Variants in CHRM3 observed in about 807,000 individuals in gnomAD.
The protein encoded by CHRM3 is muscarinic acetylcholine receptor M3.
In CHRM3, 11 loss-of-function variants were observed where a neutral mutation model predicts 41.8. The observed-to-expected ratio is 0.26, with a 90% confidence interval of 0.17 to 0.44. The LOEUF (loss-of-function observed/expected upper bound fraction) is 0.44, where lower values mean the gene tolerates loss of function less well. CHRM3 is among the 20% of genes least tolerant of loss of function. The pLI is 1.00. For missense variants in CHRM3, 571 were observed against 745.4 expected (o/e 0.77, Z 2.72); for synonymous variants, 297 against 301.4 (o/e 0.99, Z 0.15).
chr1:239,749,471 C>G (rs1381259325), intron 5 of CHRM3, among the ~76,000 whole-genome samples: 1 of 152,128 alleles, frequency 6.6e-6, no homozygotes, highest in East Asian at 1.9e-4. Context: ...GAGTTCAAGA[C>G]CAGCCTGGCC....
chr1:239,490,252 C>CT (rs1667468740), intron 1 of CHRM3, among the ~76,000 whole-genome samples: 1 of 152,100 alleles, frequency 6.6e-6, no homozygotes, highest in Admixed American at 6.5e-5. Context: ...AAATGAATGT[C>CT]TTATGTACAT....
chr1:239,913,836 A>T lies in CHRM3; in HGVS notation c.*4612A>T, dbSNP rs1680497392. The T allele has an allele frequency of 6.0e-6, 1 of 167,138 alleles. No individual in the cohort carries two copies. Among genetic ancestry groups the T allele is most frequent in the Non-Finnish European group, 1.5e-5 (1 of 68,134 alleles). 10.4% of individuals were successfully genotyped at this position (167,138 alleles called of 1,614,324 possible). A position where few individuals can be genotyped will look rare whatever the true frequency, so the allele number is the denominator to read the frequency against. ...ACACATCACGTTCACAGCTTCGCGC[A>T]GAGACGGATAGTGTATTTGGATATA... On this transcript the variant is annotated 3_prime_UTR_variant, in exon 7 of 7. Transcript: ENST00000676153.
chr1:239,877,834 G>A (rs1294501066), intron 6 of CHRM3, among the ~76,000 whole-genome samples: 1 of 151,922 alleles, frequency 6.6e-6, no homozygotes, highest in East Asian at 1.9e-4. Flanking sequence ...AGGAGAGGAG[G>A]GGGTGGTTTC....
At chr1:239,654,831 G>C (rs975491280) in intron 4 of CHRM3, among the ~76,000 whole-genome samples, 3 of 152,292 alleles carry the variant, frequency 2.0e-5, no homozygotes, top group Non-Finnish European at 4.4e-5. Context: ...TATTTCAGTG[G>C]CTTAGGAAAA....
In CHRM3 at chr1:239,698,274, C is replaced by T. The variant is rs550664785; in HGVS notation, c.-147+19986C>T. ...TTTCAAATCTTGAGAAATCACTCTCCTATTTCCTTCTCAAAGGTCATTATT... is the reference window on the plus strand; with the variant it reads ...TTTCAAATCTTGAGAAATCACTCTCTTATTTCCTTCTCAAAGGTCATTATT... On this transcript the variant is annotated intron_variant, in intron 5 of 6. Transcript: ENST00000676153. Among the ~76,000 whole-genome samples, 39 of 152,280 alleles carry T rather than the reference C, an allele frequency of 2.6e-4. No homozygotes were observed. In the South Asian group the frequency reaches 5.2e-3, roughly 20 times the overall value.
chr1:239,527,381 T>C (rs1215872299), intron 2 of CHRM3, among the ~76,000 whole-genome samples: 2 of 152,190 alleles, frequency 1.3e-5, no homozygotes, highest in African/African-American at 2.4e-5. Context: ...AAAAAAATAA[T>C]TGAGGCCCTT....
At chr1:239,767,498 ATGATATTCTCCTT>A (rs2148699958) in intron 5 of CHRM3, among the ~76,000 whole-genome samples, 1 of 152,314 alleles carries the variant, frequency 6.6e-6, no homozygotes, top group Admixed American at 6.5e-5. Context: ...TTTGGGGGTT[ATGATATTCTCCTT>A]TGATTGTAGC....
intron 2 of CHRM3, among the ~76,000 whole-genome samples, chr1:239,502,514 A>G (rs1440241671): frequency 1.3e-5 from 2 of 152,180 alleles, no homozygotes; most frequent in Non-Finnish European, 2.9e-5. Flanking sequence ...TTCAAAGAAG[A>G]ATTGGTACCA....
At chr1:239,814,087 G>A (rs1333298283) in intron 5 of CHRM3, among the ~76,000 whole-genome samples, 2 of 152,020 alleles carry the variant, frequency 1.3e-5, no homozygotes, top group Non-Finnish European at 2.9e-5. Context: ...GTCTCAGAAG[G>A]CCAATTTAGG....
At chr1:239,434,144 G>A (rs1467018533) in intron 1 of CHRM3, among the ~76,000 whole-genome samples, 1 of 152,086 alleles carries the variant, frequency 6.6e-6, no homozygotes, top group East Asian at 1.9e-4. Flanking sequence ...TCTATTTTAA[G>A]GATCACAGTC....
chr1:239,533,255 G>A (rs922984840), intron 2 of CHRM3, among the ~76,000 whole-genome samples: 12 of 152,204 alleles, frequency 7.9e-5, no homozygotes, highest in African/African-American at 1.4e-4. Context: ...GTGTCAGTCC[G>A]TCCTTACACT....
chr1:239,438,620 T>C (rs1393436097), intron 1 of CHRM3, among the ~76,000 whole-genome samples: 3 of 152,156 alleles, frequency 2.0e-5, no homozygotes, highest in Admixed American at 6.5e-5. Flanking sequence ...GGCAGGGCTA[T>C]TGTGCGATTA....
At chr1:239,783,813 T>C (rs1024628721) in intron 5 of CHRM3, among the ~76,000 whole-genome samples, 2 of 152,104 alleles carry the variant, frequency 1.3e-5, no homozygotes, top group African/African-American at 4.8e-5. Context: ...GTCACCAGAG[T>C]GTGAGGACGG....
At chr1:239,733,436 G>C (rs1379780238) in intron 5 of CHRM3, among the ~76,000 whole-genome samples, 1 of 151,884 alleles carries the variant, frequency 6.6e-6, no homozygotes, top group Non-Finnish European at 1.5e-5. Flanking sequence ...ATTAATAAGG[G>C]GCAAGTGGTT....
At chr1:239,491,529 T>C (rs1667552791) in intron 1 of CHRM3, among the ~76,000 whole-genome samples, 1 of 152,244 alleles carries the variant, frequency 6.6e-6, no homozygotes. Flanking sequence ...TTATTCCTTT[T>C]CATGGCTAGA....
chr1:239,681,363 A>G (rs1026700395), intron 5 of CHRM3, among the ~76,000 whole-genome samples: 3 of 152,220 alleles, frequency 2.0e-5, no homozygotes, highest in African/African-American at 7.2e-5. Flanking sequence ...TGGGATTTAT[A>G]AAGACCTTCA....
At chr1:239,609,112 G>A (rs1392931576) in intron 3 of CHRM3, among the ~76,000 whole-genome samples, 2 of 152,302 alleles carry the variant, frequency 1.3e-5, no homozygotes, top group Non-Finnish European at 2.9e-5. Flanking sequence ...ACATTGTCAT[G>A]TCTTTGCAAT....
chr1:239,713,236 T>C (rs1226697912), intron 5 of CHRM3, among the ~76,000 whole-genome samples: 1 of 152,194 alleles, frequency 6.6e-6, no homozygotes, highest in Non-Finnish European at 1.5e-5. Context: ...GTTCCAGTTA[T>C]ACTGTTTATT....
intron 5 of CHRM3, among the ~76,000 whole-genome samples, chr1:239,793,881 C>T (rs968761833): frequency 2.2e-4 from 30 of 133,834 alleles, no homozygotes; most frequent in Non-Finnish European, 2.1e-4. Flanking sequence ...GGTGCGATCT[C>T]GGCTCACTGC....
Sources: allele counts gnomAD v4.1 joint callset (sites outside exome capture counted in the v4.1 genomes callset), GRCh38; gene constraint gnomAD v4.1.1; transcripts MANE v1.5; gene names NCBI Gene and HGNC (gene_info 2026-07-23, HGNC 2026-07-21).